The following IL31RA variants were observed in gnomAD, a reference collection of about 807,000 sequenced individuals.
The protein encoded by IL31RA is interleukin-31 receptor subunit alpha.
A neutral mutation model predicts 83.7 loss-of-function variants in IL31RA; 66 were observed. The ratio of observed to expected loss-of-function variants is 0.79; its 90% CI spans 0.65 to 0.97. IL31RA has a LOEUF of 0.97. IL31RA is among the 50% of genes least tolerant of loss of function. The pLI is 0.00. For missense variants in IL31RA, 798 were observed against 919.4 expected, an observed-to-expected ratio of 0.87 and a Z score of 1.71; for synonymous variants, 325 against 329.0, an observed-to-expected ratio of 0.99 and a Z score of 0.13.
upstream of IL31RA, among the ~76,000 whole-genome samples, chr5:55,850,961 A>G (rs757014795): frequency 4.6e-5 from 7 of 152,088 alleles, no homozygotes; most frequent in African/African-American, 1.7e-4. Context: ...TTGGTGGCGC[A>G]TGCCTGTAAT....
chr5:55,916,749 G>C lies in IL31RA; in HGVS notation c.1924G>C (p.Val642Leu), dbSNP rs756877165. ...CAAGTTGGTGATTGACAAGTTGGTG[G>C]TGAACTTTGGGAATGTTCTGCAAGA... The part of the protein sequence containing the change: ...SDKLVIDKLV[V>L]NFGNVLQEIF... The change falls in exon 15 of 15, where the codon GTG becomes CTG. Residue 642 changes from valine to leucine, a missense_variant. Physicochemically the swap from Val to Leu is conservative, Grantham distance 32 (BLOSUM62 1). Coordinates refer to ENST00000652347, the MANE Select transcript of IL31RA (RefSeq NM_139017.7). 6.2e-7 allele frequency: 1 copy of C among 1,614,200 alleles called. No individual in the cohort carries two copies. The highest frequency in any genetic ancestry group is 8.5e-7 in the Non-Finnish European group (1 of 1,180,020).
At chr5:55,860,404 C>T (rs925039773) in intron 2 of IL31RA, among the ~76,000 whole-genome samples, 5 of 151,676 alleles carry the variant, frequency 3.3e-5, no homozygotes, top group Non-Finnish European at 7.4e-5. Context: ...TGGTCTCTCT[C>T]TCTCTAAATA....
At chr5:55,884,705 G>C (rs1747471581) in intron 5 of IL31RA, among the ~76,000 whole-genome samples, 2 of 152,202 alleles carry the variant, frequency 1.3e-5, no homozygotes, top group South Asian at 4.1e-4. Context: ...ACAGGTGTGA[G>C]CCATCATGAG....
At chr5:55,902,780 C>G (rs1466236333) in intron 8 of IL31RA, among the ~76,000 whole-genome samples, 1 of 152,150 alleles carries the variant, frequency 6.6e-6, no homozygotes, top group Non-Finnish European at 1.5e-5. Context: ...CATACATTGT[C>G]TACTAGTATG....
At position 55,910,691 on chromosome 5, in the gene IL31RA, C is replaced by A. The variant is rs750376961; in HGVS notation, c.1642+19C>A. On this transcript the variant is annotated intron_variant, in intron 12 of 14. Transcript: ENST00000652347. The stretch of plus-strand genomic sequence containing the variant: ...TCATTCAGTGAGTATTTCCTTCAAG[C>A]CTTAGGTACCTCTCCCTCACGTTTA... 1 of 1,613,224 alleles carries A rather than the reference C, an allele frequency of 6.2e-7. No homozygotes were observed. Among genetic ancestry groups the A allele is most frequent in the Non-Finnish European group, 8.5e-7 (1 of 1,179,230 alleles).
In IL31RA at chr5:55,868,795, GC is replaced by G. The variant is rs767007227; in HGVS notation, c.161del (p.Pro54GlnfsTer17). ...SLCKFSLAAL[P>X]AKPENISCVY... ...GTGTGTGTTTAATTTATTTAGCTCT[GC>G]CAGCTAAGCCTGAGAACATTTCCTG... is the stretch of plus-strand genomic sequence containing the variant. On this transcript the variant is annotated frameshift_variant, in exon 3 of 15. Transcript: ENST00000652347. LOFTEE classifies it high-confidence loss of function. 10 of 1,569,764 alleles carry G rather than the reference GC, an allele frequency of 6.4e-6. No homozygotes were observed. The South Asian group carries it at 1.1e-4, about 17-fold the overall frequency.
intron 7 of IL31RA, among the ~76,000 whole-genome samples, chr5:55,898,089 A>C (rs930965123): frequency 1.3e-5 from 2 of 152,250 alleles, no homozygotes; most frequent in African/African-American, 2.4e-5. Context: ...ATCCTAGAGA[A>C]TCAATCCCAG....
intron 3 of IL31RA, among the ~76,000 whole-genome samples, chr5:55,871,790 C>T (rs1234856732): frequency 6.6e-6 from 1 of 151,308 alleles, no homozygotes; most frequent in African/African-American, 2.5e-5. Flanking sequence ...GTAGATGCAT[C>T]TTTCCATATC....
chr5:55,906,464 C>T (rs577604382), intron 9 of IL31RA, among the ~76,000 whole-genome samples, 176 bp downstream of exon 9: 8 of 152,176 alleles, frequency 5.3e-5, no homozygotes, highest in Non-Finnish European at 1.2e-4. Context: ...AAGGCTGGCA[C>T]AGAAAGCTGT....
At chr5:55,858,285 A>G (rs1745470265) in intron 1 of IL31RA, among the ~76,000 whole-genome samples, 1 of 152,170 alleles carries the variant, frequency 6.6e-6, no homozygotes, top group Non-Finnish European at 1.5e-5. Context: ...ATGTGCTTTT[A>G]GGACTTGTAA....
At position 55,916,562 on chromosome 5, in the gene IL31RA, C is replaced by G. The variant is rs540389579; in HGVS notation, c.1819-82C>G. 26 of 1,188,360 alleles carry G rather than the reference C, an allele frequency of 2.2e-5. No individual in the cohort carries two copies. In the South Asian group the frequency reaches 2.7e-4, roughly 12 times the overall value. The allele number at this position is 1,188,360 out of a possible 1,614,324, so 73.6% of individuals were successfully genotyped here. On this transcript the variant is annotated intron_variant, in intron 14 of 14. Transcript: ENST00000652347. ...GGGCTGTTCCAGAGATGGGCATTTG[C>G]TGTCCCAAGCCTAACGAGTTTTTGG...
intron 13 of IL31RA, 148 bp downstream of exon 13, chr5:55,913,718 A>G: frequency 2.8e-6 from 2 of 706,520 alleles, no homozygotes; most frequent in Non-Finnish European, 5.2e-6. Context: ...GAGGTTATTA[A>G]AGGCCACGCT....
intron 11 of IL31RA, 173 bp downstream of exon 11, chr5:55,908,584 G>GT: frequency 6.4e-7 from 1 of 1,552,546 alleles, no homozygotes; most frequent in Non-Finnish European, 8.7e-7. Context: ...ACCTTTTGGG[G>GT]TTTTGGGGGT....
chr5:55,918,061 T>C lies in IL31RA; in HGVS notation c.*941T>C, dbSNP rs1749891483. 6.6e-6 allele frequency among the ~76,000 whole-genome samples: 1 copy of C among 152,252 alleles called. No individual in the cohort carries two copies. Among genetic ancestry groups the C allele is most frequent in the South Asian group, 2.1e-4 (1 of 4,832 alleles). ...CCCCAACAGGAGGACTTCTGCTCCT[T>C]TTCTCTAGCTGAGCACAGAGCTTGT... is the stretch of plus-strand genomic sequence containing the variant. On this transcript the variant is annotated 3_prime_UTR_variant, in exon 15 of 15. Coordinates refer to ENST00000652347, the MANE Select transcript of IL31RA (RefSeq NM_139017.7).
At chr5:55,899,796 T>C (rs1387842547) in intron 7 of IL31RA, 120 bp from the exon 8 acceptor site, 2 of 728,418 alleles carry the variant, frequency 2.7e-6, no homozygotes, top group East Asian at 5.3e-5. Context: ...ATTACCTGAT[T>C]GTAGTTTAGT....
upstream of IL31RA, among the ~76,000 whole-genome samples, chr5:55,850,777 A>G (rs192113506): frequency 1.8e-4 from 28 of 152,384 alleles, 1 homozygote; most frequent in East Asian, 4.0e-3. Context: ...TATGTTCAAT[A>G]AAATCGCCAC....
Position 55,856,077 on chromosome 5 carries a change from C to T in IL31RA, c.64-3432C>T, listed in dbSNP as rs572907664. On this transcript the variant is annotated intron_variant, in intron 1 of 14. Coordinates refer to ENST00000652347, the MANE Select transcript of IL31RA (RefSeq NM_139017.7). ...TTGCCCAGCTAATTTTTGTATTTTT[C>T]GTTCAGATGGGGTTTTGCCATACTG... Among the ~76,000 whole-genome samples, 9 of 152,232 alleles carry T rather than the reference C, an allele frequency of 5.9e-5. No homozygotes were observed. In the East Asian group the frequency reaches 1.5e-3, roughly 26 times the overall value.
At chr5:55,863,060 T>A (rs1042810463) in intron 2 of IL31RA, among the ~76,000 whole-genome samples, 3 of 152,214 alleles carry the variant, frequency 2.0e-5, no homozygotes, top group Non-Finnish European at 4.4e-5. Flanking sequence ...ACAGCCAAGG[T>A]CGTTCAGCTA....
At chr5:55,896,778 C>A (rs1320392146) in intron 7 of IL31RA, among the ~76,000 whole-genome samples, 4 of 58,914 alleles carry the variant, frequency 6.8e-5, no homozygotes, top group African/African-American at 2.9e-4. Context: ...CCCTTCCCTT[C>A]CTTTCTCTAT....
Sources: gnomAD v4.1 joint callset for allele counts (sites outside exome capture counted in the v4.1 genomes callset) on GRCh38, gnomAD v4.1.1 for gene constraint, MANE v1.5 for transcripts, NCBI Gene and HGNC (gene_info 2026-07-23, HGNC 2026-07-21) for gene names.